Variants in ZFHX3 observed in about 807,000 individuals in gnomAD.
The protein encoded by ZFHX3 is zinc finger homeobox 3.
In ZFHX3, 42 loss-of-function variants were observed where a neutral mutation model predicts 279.1. The observed-to-expected ratio is 0.15, with a 90% CI of 0.12 to 0.19. ZFHX3 has a LOEUF of 0.19. ZFHX3 is among the 10% of genes least tolerant of loss of function. The probability of loss-of-function intolerance (pLI) is 1.00; values close to 1 mark genes in which losing one functional copy is unlikely to be tolerated. For missense variants in ZFHX3, 4,981 were observed against 4,754.0 expected (o/e 1.05, Z -1.40); for synonymous variants, 2,293 against 1,957.8 (o/e 1.17, Z -4.52).
intron 3 of ZFHX3, among the ~76,000 whole-genome samples, chr16:72,913,808 C>A (rs2039376930): frequency 6.6e-6 from 1 of 152,186 alleles, no homozygotes; most frequent in Non-Finnish European, 1.5e-5. Flanking sequence ...TCTAGAAAGT[C>A]AGAGTTTGTT....
Position 72,938,920 on chromosome 16 carries a change from C to T in ZFHX3, c.3216+11549G>A, listed in dbSNP as rs191294639. On this transcript the variant is annotated intron_variant, in intron 3 of 9. Coordinates refer to ENST00000268489, the MANE Select transcript of ZFHX3 (RefSeq NM_006885.4). ...CTGAGAACCAGAAAGTGAACAACCA[C>T]GCACAAACAGAAGTCTCCAGCCAAA... Among the ~76,000 whole-genome samples, 29 of 152,236 alleles carry T rather than the reference C, an allele frequency of 1.9e-4. No individual in the cohort carries two copies. The East Asian group carries it at 5.4e-3, about 28-fold the overall frequency.
chr16:73,108,426 G>A (rs1366487670), intron 7 of ZFHX3, among the ~76,000 whole-genome samples: 1 of 151,940 alleles, frequency 6.6e-6, no homozygotes, highest in Admixed American at 6.5e-5. Context: ...TGTTTGTTTT[G>A]AGGGTATTGC....
At chr16:73,478,330 A>G (rs2018802431) in intron 2 of ZFHX3, among the ~76,000 whole-genome samples, 1 of 151,672 alleles carries the variant, frequency 6.6e-6, no homozygotes, top group Non-Finnish European at 1.5e-5. Flanking sequence ...CTGAACAGGG[A>G]CTTGAACCCT....
intron 1 of ZFHX3, among the ~76,000 whole-genome samples, chr16:73,787,869 GA>G (rs1959700715): frequency 3.3e-5 from 5 of 152,064 alleles, no homozygotes; most frequent in African/African-American, 1.2e-4. Context: ...GAGAGAGAGA[GA>G]GAGAGAGAAT....
chr16:73,660,250 T>C (rs1283514581), intron 2 of ZFHX3, among the ~76,000 whole-genome samples: 2 of 152,220 alleles, frequency 1.3e-5, no homozygotes, highest in African/African-American at 4.8e-5. Context: ...GTCAAACGTG[T>C]GCCTTTTAAA....
intron 1 of ZFHX3, among the ~76,000 whole-genome samples, chr16:73,043,322 A>C (rs1965181556): frequency 1.3e-5 from 2 of 152,132 alleles, no homozygotes; most frequent in African/African-American, 4.8e-5. Context: ...GGTCACCCAA[A>C]AGGCAGATGA....
At chr16:73,223,177 A>G (rs2012479429) in intron 5 of ZFHX3, among the ~76,000 whole-genome samples, 1 of 152,160 alleles carries the variant, frequency 6.6e-6, no homozygotes, top group South Asian at 2.1e-4. Context: ...CTTTTTAGCT[A>G]TAACCCCAAA....
chr16:73,346,267 C>T lies in ZFHX3; in HGVS notation c.-1290-27931G>A, dbSNP rs138794105. On this transcript the variant is annotated intron_variant, in intron 3 of 17. Transcript: ENST00000641206. ...TTGGGAAACATCTGTCCCTCCCAGA[C>T]CACTGAAAGCTTGTCTTTGAAAGCC... is the stretch of plus-strand genomic sequence containing the variant. Among the ~76,000 whole-genome samples the T allele has an allele frequency of 7.2e-5, 11 of 152,326 alleles. 1 individual carries two copies. The East Asian group carries it at 1.4e-3, about 19-fold the overall frequency.
chr16:73,287,520 ATGTGTGGCTGTGTGGG>A (rs2014651636), intron 4 of ZFHX3, among the ~76,000 whole-genome samples: 1 of 52,472 alleles, frequency 1.9e-5, no homozygotes, highest in African/African-American at 7.9e-5. Flanking sequence ...TGATGTGTGC[ATGTGTGGCTGTGTGGG>A]TGTGTGGGTC....
At chr16:72,861,708 A>C (rs964365519) in intron 4 of ZFHX3, among the ~76,000 whole-genome samples, 2 of 152,152 alleles carry the variant, frequency 1.3e-5, no homozygotes, top group Non-Finnish European at 2.9e-5. Flanking sequence ...TATTTTGTAA[A>C]ATTTGCACAA....
At chr16:73,863,583 T>A (rs530999189) in intron 1 of ZFHX3, among the ~76,000 whole-genome samples, 8 of 152,330 alleles carry the variant, frequency 5.3e-5, no homozygotes, top group African/African-American at 1.9e-4. Context: ...ACCATCTGCT[T>A]AAGTTCTGCT....
chr16:72,929,731 C>T (rs1959684945), intron 3 of ZFHX3, among the ~76,000 whole-genome samples: 1 of 152,156 alleles, frequency 6.6e-6, no homozygotes. Flanking sequence ...ACCTCATTAA[C>T]CGAAACACAT....
intron 2 of ZFHX3, among the ~76,000 whole-genome samples, chr16:73,521,081 G>A (rs924931901): frequency 1.6e-4 from 25 of 151,988 alleles, no homozygotes; most frequent in Admixed American, 4.6e-4. Flanking sequence ...ACAAATGAAC[G>A]AAAAAATCTC....
rs2035254325 is a variant in ZFHX3 at position 72,784,264 on chromosome 16, CAA to C, written c.*2898_*2899del. On this transcript the variant is annotated 3_prime_UTR_variant, in exon 10 of 10. Transcript: ENST00000268489. ...ATAGTAGCTCCATGAAAAAAAAAAA[CAA>C]AAACAAAAACAAAAACCCAAACCAT... 2.1e-5 allele frequency: 3 copies of C among 144,456 alleles called. No homozygotes were observed. In the Admixed American group the frequency reaches 2.1e-4, roughly 10 times the overall value. 8.9% of individuals were successfully genotyped at this position (144,456 alleles called of 1,614,324 possible).
chr16:73,552,583 A>T (rs2020218121), intron 2 of ZFHX3, among the ~76,000 whole-genome samples: 1 of 152,150 alleles, frequency 6.6e-6, no homozygotes, highest in South Asian at 2.1e-4. Flanking sequence ...TAGCATTCCA[A>T]ATAAAAAATC....
At chr16:73,312,449 G>A (rs1320506704) in intron 4 of ZFHX3, among the ~76,000 whole-genome samples, 1 of 152,158 alleles carries the variant, frequency 6.6e-6, no homozygotes, top group Non-Finnish European at 1.5e-5. Flanking sequence ...GCTAACTTGG[G>A]AAGTCATCCA....
intron 5 of ZFHX3, among the ~76,000 whole-genome samples, chr16:72,820,522 C>A (rs1219436034): frequency 6.6e-6 from 1 of 152,198 alleles, no homozygotes; most frequent in African/African-American, 2.4e-5. Context: ...CCACCGTGAG[C>A]CCGGCTCATG....
intron 3 of ZFHX3, among the ~76,000 whole-genome samples, chr16:72,896,514 A>G (rs940491211): frequency 2.0e-5 from 3 of 152,346 alleles, no homozygotes; most frequent in Non-Finnish European, 2.9e-5. Context: ...GAAGGGAGAC[A>G]ACAGAGGCTC....
chr16:73,661,458 C>T (rs1047319552), intron 2 of ZFHX3, among the ~76,000 whole-genome samples: 1 of 152,144 alleles, frequency 6.6e-6, no homozygotes, highest in East Asian at 1.9e-4. Flanking sequence ...TGCTGGCTCA[C>T]GCCTATAATC....
Sources: gnomAD v4.1 joint callset for allele counts (sites outside exome capture counted in the v4.1 genomes callset) on GRCh38, gnomAD v4.1.1 for gene constraint, MANE v1.5 for transcripts, NCBI Gene and HGNC (gene_info 2026-07-23, HGNC 2026-07-21) for gene names.